CCBE1: variants seen among roughly 807,000 people sequenced by gnomAD.
CCBE1 encodes collagen and calcium-binding EGF domain-containing protein 1.
Under a neutral mutation model 50.0 loss-of-function variants are expected in CCBE1, and 37 were observed. The observed-to-expected ratio is 0.74, with a 90% CI of 0.57 to 0.97. The LOEUF (loss-of-function observed/expected upper bound fraction) is 0.97, where lower values mean the gene tolerates loss of function less well. Ranked by LOEUF, CCBE1 falls within the 50% of genes least tolerant of loss-of-function variation. CCBE1 has a pLI of 0.00. For missense variants in CCBE1, 538 were observed against 523.8 expected (o/e 1.03, Z -0.26); for synonymous variants, 234 against 203.7 (o/e 1.15, Z -1.27).
intron 6 of CCBE1, among the ~76,000 whole-genome samples, chr18:59,449,724 A>T (rs1910844033): frequency 6.6e-6 from 1 of 152,098 alleles, no homozygotes; most frequent in Non-Finnish European, 1.5e-5. Flanking sequence ...TTCCAAGTCT[A>T]CAAAATGTGC....
At position 59,601,128 on chromosome 18, in the gene CCBE1, C is replaced by G. The variant is rs143361794; in HGVS notation, c.212+95501G>C. The stretch of plus-strand genomic sequence containing the variant: ...CTCACTGCAACCTCTGCCTCCCAGG[C>G]TCAAGTGATTCTTCTACCTCAGCCT... On this transcript the variant is annotated intron_variant, in intron 2 of 10. Transcript: ENST00000439986. Among the ~76,000 whole-genome samples, 1,066 of 144,740 alleles carry G rather than the reference C, an allele frequency of 7.4e-3. 14 individuals carry two copies. Among genetic ancestry groups the G allele is most frequent in the African/African-American group, 0.025 (1,009 of 39,678 alleles). 95.0% of individuals were successfully genotyped at this position (144,740 alleles called of 152,430 possible). A position where few individuals can be genotyped will look rare whatever the true frequency, so the allele number is the denominator to read the frequency against.
intron 2 of CCBE1, among the ~76,000 whole-genome samples, chr18:59,620,703 A>C (rs2053700096): frequency 6.6e-6 from 1 of 152,096 alleles, no homozygotes; most frequent in African/African-American, 2.4e-5. Context: ...TCCCCTGCAC[A>C]AGCTCTCCTG....
intron 2 of CCBE1, among the ~76,000 whole-genome samples, chr18:59,657,896 A>C (rs965544548): frequency 6.6e-6 from 1 of 151,936 alleles, no homozygotes; most frequent in African/African-American, 2.4e-5. Flanking sequence ...AACAAACAAC[A>C]ACAACAACAA....
intron 2 of CCBE1, among the ~76,000 whole-genome samples, chr18:59,559,720 C>T (rs1365577626): frequency 6.6e-6 from 1 of 152,236 alleles, no homozygotes; most frequent in Non-Finnish European, 1.5e-5. Context: ...GGCAGAGCTG[C>T]ATTTATTAAC....
chr18:59,662,897 C>T (rs114834676), intron 2 of CCBE1, among the ~76,000 whole-genome samples: 1,663 of 152,126 alleles, frequency 0.011, 31 homozygotes, highest in African/African-American at 0.038. Context: ...AGTTCAAGCC[C>T]GACCTGGGCA....
At chr18:59,508,390 G>C (rs191620892) in intron 2 of CCBE1, among the ~76,000 whole-genome samples, 151 of 151,992 alleles carry the variant, frequency 9.9e-4, no homozygotes, top group Non-Finnish European at 2.0e-3. Flanking sequence ...TTGAGGTCAG[G>C]AGTGAGACCA....
At chr18:59,616,672 T>G (rs1264669494) in intron 2 of CCBE1, among the ~76,000 whole-genome samples, 1 of 152,178 alleles carries the variant, frequency 6.6e-6, no homozygotes, top group East Asian at 1.9e-4. Context: ...AAAAGTTCGG[T>G]ACACAAAAGA....
intron 2 of CCBE1, among the ~76,000 whole-genome samples, chr18:59,522,464 TAA>T (rs1914641085): frequency 6.6e-6 from 1 of 152,200 alleles, no homozygotes; most frequent in African/African-American, 2.4e-5. Flanking sequence ...GAAAAGTTAA[TAA>T]AAACAAGTAA....
At chr18:59,463,321 G>T (rs1911581958) in intron 5 of CCBE1, among the ~76,000 whole-genome samples, 2 of 152,156 alleles carry the variant, frequency 1.3e-5, no homozygotes. Flanking sequence ...TAGACCTCCT[G>T]GGTTCAAGTG....
intron 2 of CCBE1, among the ~76,000 whole-genome samples, chr18:59,569,051 CA>C (rs1198439203): frequency 6.6e-6 from 1 of 152,220 alleles, no homozygotes; most frequent in Non-Finnish European, 1.5e-5. Flanking sequence ...TTCCTCTCTG[CA>C]GAGGGGTGCA....
intron 2 of CCBE1, among the ~76,000 whole-genome samples, chr18:59,686,796 T>G (rs2144740962): frequency 6.6e-6 from 1 of 152,354 alleles, no homozygotes; most frequent in East Asian, 1.9e-4. Context: ...TAGGCCAGTG[T>G]GATCTGCAGA....
At chr18:59,502,498 C>T (rs75689928) in intron 2 of CCBE1, among the ~76,000 whole-genome samples, 6,858 of 152,054 alleles carry the variant, frequency 0.045, 226 homozygotes, top group Non-Finnish European at 0.062. Context: ...ATTAAGGAGC[C>T]GTCAGCCAGA....
intron 2 of CCBE1, among the ~76,000 whole-genome samples, chr18:59,588,653 T>C (rs1266051673): frequency 6.6e-6 from 1 of 152,206 alleles, no homozygotes; most frequent in Non-Finnish European, 1.5e-5. Context: ...GCTGGGCTAA[T>C]GCAGCCCCTG....
At chr18:59,667,934 G>A (rs1323755694) in intron 2 of CCBE1, among the ~76,000 whole-genome samples, 2 of 152,030 alleles carry the variant, frequency 1.3e-5, no homozygotes, top group Admixed American at 1.3e-4. Context: ...TAGGTGTTAC[G>A]ATGGACACAG....
intron 2 of CCBE1, among the ~76,000 whole-genome samples, chr18:59,637,495 A>T (rs988151869): frequency 6.6e-6 from 1 of 152,214 alleles, no homozygotes; most frequent in African/African-American, 2.4e-5. Flanking sequence ...CAGATAAAAC[A>T]AAATTAGCCT....
intron 2 of CCBE1, among the ~76,000 whole-genome samples, chr18:59,543,389 A>G (rs1455119629): frequency 6.6e-6 from 1 of 152,228 alleles, no homozygotes; most frequent in Non-Finnish European, 1.5e-5. Flanking sequence ...CCAGAAAAAG[A>G]CTTAAAATTT....
At chr18:59,643,154 A>G (rs2054013151) in intron 2 of CCBE1, among the ~76,000 whole-genome samples, 1 of 152,056 alleles carries the variant, frequency 6.6e-6, no homozygotes, top group African/African-American at 2.4e-5. Flanking sequence ...GATGTCGTTC[A>G]TCTGCCATTA....
intron 2 of CCBE1, among the ~76,000 whole-genome samples, chr18:59,560,607 A>C (rs1166716265): frequency 6.6e-6 from 1 of 152,218 alleles, no homozygotes; most frequent in Non-Finnish European, 1.5e-5. Context: ...CCCATAACTT[A>C]AAAAGAAAAA....
At chr18:59,561,445 C>T (rs1599015036) in intron 2 of CCBE1, among the ~76,000 whole-genome samples, 1 of 152,232 alleles carries the variant, frequency 6.6e-6, no homozygotes, top group South Asian at 2.1e-4. Flanking sequence ...AGGAATAGAC[C>T]GAGGCAGACA....
Sources: gnomAD v4.1 joint callset for allele counts (sites outside exome capture counted in the v4.1 genomes callset) on GRCh38, gnomAD v4.1.1 for gene constraint, MANE v1.5 for transcripts, NCBI Gene and HGNC (gene_info 2026-07-23, HGNC 2026-07-21) for gene names.